SLC39A14: variants seen among roughly 807,000 people sequenced by gnomAD.
SLC39A14 encodes metal cation symporter ZIP14.
A neutral mutation model predicts 45.5 loss-of-function variants in SLC39A14; 19 were observed. The ratio of observed to expected loss-of-function variants is 0.42; its 90% confidence interval spans 0.29 to 0.61. The LOEUF (loss-of-function observed/expected upper bound fraction) is 0.61. Ranked by LOEUF, SLC39A14 falls within the 20% of genes least tolerant of loss-of-function variation. The pLI is 0.22. For synonymous variants in SLC39A14, 264 were observed against 251.3 expected (o/e 1.05, Z -0.48); for missense variants, 447 against 616.5 (o/e 0.73, Z 2.91).
chr8:22,426,059 A>G (rs947741203), downstream of SLC39A14, among the ~76,000 whole-genome samples: 10 of 151,864 alleles, frequency 6.6e-5, no homozygotes, highest in East Asian at 1.9e-4. Flanking sequence ...AGCCTGGCCA[A>G]TTTTGTATTT....
chr8:22,407,048 G>A (rs7838127), intron 2 of SLC39A14, among the ~76,000 whole-genome samples: 85,551 of 152,090 alleles, frequency 0.56, 24,983 homozygotes, highest in African/African-American at 0.73. Flanking sequence ...CTTACCTGCT[G>A]CCTCCCAAGG....
At chr8:22,412,821 G>A (rs1380622549) in intron 4 of SLC39A14, among the ~76,000 whole-genome samples, 2 of 152,160 alleles carry the variant, frequency 1.3e-5, no homozygotes, top group Non-Finnish European at 2.9e-5. Context: ...GCGCACGCCT[G>A]TAATCCCAGC....
chr8:22,415,641 T>G, intron 5 of SLC39A14, 128 bp from the exon 6 acceptor site: 1 of 837,896 alleles, frequency 1.2e-6, no homozygotes, highest in South Asian at 1.8e-5. Context: ...GCACGTGACC[T>G]GCTTGTGTCA....
rs756183046 is a variant in SLC39A14, at chr8:22,417,673, C to T, written c.1170C>T (p.Asn390=). ...TAGGAGACTTTGTCATCCTGCTCAA[C>T]GCTGGGATGAGCATCCAACAAGCTC... ...HELGDFVILL[N]AGMSIQQALF... is the part of the protein sequence containing the mutation. Residue 390 remains asparagine, a synonymous_variant, in exon 8 of 9, where the codon AAC becomes AAT. Coordinates refer to ENST00000381237, the MANE Select transcript of SLC39A14 (RefSeq NM_001128431.4). 1.1e-5 allele frequency: 17 copies of T among 1,613,856 alleles called. No individual in the cohort carries two copies. Among genetic ancestry groups the T allele is most frequent in the Middle Eastern group, 1.6e-4 (1 of 6,084 alleles).
At chr8:22,424,207 T>A (rs566400334), downstream of SLC39A14, among the ~76,000 whole-genome samples, 19 of 152,326 alleles carry the variant, frequency 1.2e-4, no homozygotes, top group Middle Eastern at 3.4e-3. Context: ...AACTTGAAAC[T>A]TGTAACGTTT....
chr8:22,426,705 A>C (rs1016732124), downstream of SLC39A14, among the ~76,000 whole-genome samples: 1 of 151,568 alleles, frequency 6.6e-6, no homozygotes, highest in Admixed American at 6.6e-5. Flanking sequence ...TTTTTTTGAG[A>C]TGGAGTCTCA....
At chr8:22,379,531 C>T (rs1222956483) in intron 1 of SLC39A14, 1 of 152,234 alleles carries the variant, frequency 6.6e-6, no homozygotes, top group African/African-American at 2.4e-5. Flanking sequence ...TGAAGGCTGG[C>T]CTAGAGGCCC....
At chr8:22,419,338 C>T (rs1836084419) in intron 8 of SLC39A14, among the ~76,000 whole-genome samples, 1 of 152,136 alleles carries the variant, frequency 6.6e-6, no homozygotes, top group Admixed American at 6.5e-5. Context: ...CCTGCGCCAC[C>T]ACGCCCAGCT....
chr8:22,418,555 T>C (rs1462488486), intron 8 of SLC39A14, among the ~76,000 whole-genome samples: 1 of 152,032 alleles, frequency 6.6e-6, no homozygotes, highest in African/African-American at 2.4e-5. Flanking sequence ...TTTTTTTTTT[T>C]AGACAGAACC....
At chr8:22,411,952 C>A in intron 3 of SLC39A14, 85 bp from the exon 4 acceptor site, 1 of 1,301,364 alleles carries the variant, frequency 7.7e-7, no homozygotes. Context: ...CCACCTTCCT[C>A]CCGCTAAATG....
At chr8:22,428,298 AAAAAT>A (rs975554614) in intron 8 of SLC39A14, among the ~76,000 whole-genome samples, 29 of 152,274 alleles carry the variant, frequency 1.9e-4, no homozygotes, top group African/African-American at 5.3e-4. Flanking sequence ...ACTCTGTCTC[AAAAAT>A]AAAATAAAAT....
rs1836249178 is a variant in SLC39A14, at chr8:22,421,910, T to C, written c.*2212T>C. ...TATTACCTTAAGAAATTTCCTTCCATAGACAGCTGCCTCAAAGGGAAATCC... is the reference window on the plus strand; with the variant it reads ...TATTACCTTAAGAAATTTCCTTCCACAGACAGCTGCCTCAAAGGGAAATCC... On this transcript the variant is annotated 3_prime_UTR_variant, in exon 9 of 9. Transcript: ENST00000381237. 2 of 985,288 alleles carry C rather than the reference T, an allele frequency of 2.0e-6. No individual in the cohort carries two copies. The highest frequency in any genetic ancestry group is 1.7e-5 in the African/African-American group (1 of 57,228). 61.0% of individuals were successfully genotyped at this position (985,288 alleles called of 1,614,324 possible).
chr8:22,387,405 T>C (rs1833849181), intron 1 of SLC39A14, among the ~76,000 whole-genome samples: 1 of 152,120 alleles, frequency 6.6e-6, no homozygotes, highest in Non-Finnish European at 1.5e-5. Flanking sequence ...AATCGATTGC[T>C]CCCTGGGGTT....
At position 22,406,571 on chromosome 8, in the gene SLC39A14, A is replaced by C. The variant is rs551943643; in HGVS notation, c.270+1591A>C. Among the ~76,000 whole-genome samples the C allele has an allele frequency of 2.7e-4, 41 of 152,288 alleles. No homozygotes were observed. The South Asian group carries it at 8.1e-3, about 30-fold the overall frequency. On this transcript the variant is annotated intron_variant, in intron 2 of 8. Transcript: ENST00000381237. ...TCTGGGTATGGCGGGAGATACCTGT[A>C]GTCCCAGCTACTTGGGAGGCTGAGG... is the stretch of plus-strand genomic sequence containing the variant.
chr8:22,411,841 A>G lies in SLC39A14; in HGVS notation c.458-196A>G, dbSNP rs1424867638. 8 of 564,572 alleles carry G rather than the reference A, an allele frequency of 1.4e-5. No individual in the cohort carries two copies. In the East Asian group the frequency reaches 2.0e-4, roughly 14 times the overall value. The allele number at this position is 564,572 out of a possible 1,614,324, so 35.0% of individuals were successfully genotyped here. The stretch of plus-strand genomic sequence containing the variant: ...TTCATCAGATGTGAATCACTAACAA[A>G]TTTTCTATTTCTCTCTCCCTCCCTA... On this transcript the variant is annotated intron_variant, in intron 3 of 8. Transcript: ENST00000381237.
chr8:22,371,414 CTTTTTTTTTTTTTTTTTT>C (rs373230777), intron 1 of SLC39A14, among the ~76,000 whole-genome samples: 16 of 120,126 alleles, frequency 1.3e-4, no homozygotes, highest in East Asian at 2.1e-4. Context: ...AAATACATGT[CTTTTTTTTTTTTTTTTTT>C]TTTTTTTTTT....
At chr8:22,432,914 A>G (rs1034762960) in intron 8 of SLC39A14, among the ~76,000 whole-genome samples, 8 of 151,028 alleles carry the variant, frequency 5.3e-5, no homozygotes, top group Admixed American at 3.3e-4. Flanking sequence ...CAGCCTCCCA[A>G]AGTGCTGGGA....
chr8:22,379,927 CAAAAAA>C (rs35093772), intron 1 of SLC39A14, among the ~76,000 whole-genome samples: 3 of 87,966 alleles, frequency 3.4e-5, no homozygotes, highest in Admixed American at 1.2e-4. Context: ...GACTCCATCT[CAAAAAA>C]AAAAAAAAAA....
At chr8:22,422,805 C>T, downstream of SLC39A14, 1 of 691,848 alleles carries the variant, frequency 1.4e-6, no homozygotes, top group Non-Finnish European at 1.8e-6. Context: ...TAACATTTGA[C>T]TGGGATTTTA....
Sources: allele counts gnomAD v4.1 joint callset (sites outside exome capture counted in the v4.1 genomes callset), GRCh38; gene constraint gnomAD v4.1.1; transcripts MANE v1.5; gene names NCBI Gene and HGNC (gene_info 2026-07-23, HGNC 2026-07-21).